ENTREP2: variants seen among roughly 807,000 people sequenced by gnomAD.
The protein encoded by ENTREP2 is protein ENTREP2.
the ENTREP2 span, among the ~76,000 whole-genome samples, chr15:29,435,506 C>CT: frequency 6.6e-6 from 1 of 151,938 alleles, no homozygotes; most frequent in Non-Finnish European, 1.5e-5. Flanking sequence ...TGTTAATATC[C>CT]TTTTTAGGGG....
At chr15:29,333,849 G>A in the ENTREP2 span, among the ~76,000 whole-genome samples, 55 of 152,122 alleles carry the variant, frequency 3.6e-4, no homozygotes, top group Admixed American at 2.7e-3. Flanking sequence ...GGTCCAATCT[G>A]ACTGTGTCCT....
chr15:29,465,258 G>A, the ENTREP2 span, among the ~76,000 whole-genome samples: 1 of 152,076 alleles, frequency 6.6e-6, no homozygotes, highest in East Asian at 1.9e-4. Context: ...GGAATGGGGT[G>A]CAGAAGTGGT....
chr15:29,321,768 T>TG, the ENTREP2 span, among the ~76,000 whole-genome samples: 1 of 151,854 alleles, frequency 6.6e-6, no homozygotes, highest in Non-Finnish European at 1.5e-5. Context: ...AGTAGTTCTT[T>TG]GCAATGAGAA....
the ENTREP2 span, among the ~76,000 whole-genome samples, chr15:29,362,670 C>T: frequency 2.8e-4 from 42 of 152,142 alleles, no homozygotes; most frequent in African/African-American, 9.2e-4. Context: ...CCACCGCGTC[C>T]GGCCCCTTGT....
the ENTREP2 span, among the ~76,000 whole-genome samples, chr15:29,577,313 G>C: frequency 2.6e-3 from 358 of 139,910 alleles, 2 homozygotes; most frequent in African/African-American, 9.0e-3. Flanking sequence ...GACTCAAAGA[G>C]GTGTGTGTGT....
the ENTREP2 span, among the ~76,000 whole-genome samples, chr15:29,659,793 T>C: frequency 6.8e-6 from 1 of 147,038 alleles, no homozygotes; most frequent in African/African-American, 2.7e-5. Flanking sequence ...TGCACGAATA[T>C]GCCACTATAT....
chr15:29,659,849 T>G, the ENTREP2 span, among the ~76,000 whole-genome samples: 1 of 151,704 alleles, frequency 6.6e-6, no homozygotes, highest in Non-Finnish European at 1.5e-5. Flanking sequence ...CAGGCTGGAG[T>G]GCAGTGGTGC....
the ENTREP2 span, among the ~76,000 whole-genome samples, chr15:29,163,064 A>G: frequency 2.0e-5 from 3 of 152,140 alleles, no homozygotes; most frequent in Non-Finnish European, 4.4e-5. Flanking sequence ...AGAGACAACA[A>G]TCACTGCAGT....
chr15:29,282,563 C>A, the ENTREP2 span, among the ~76,000 whole-genome samples: 1 of 152,112 alleles, frequency 6.6e-6, no homozygotes, highest in Admixed American at 6.5e-5. Context: ...ACCACAAGCT[C>A]CCTAGCACTC....
the ENTREP2 span, among the ~76,000 whole-genome samples, chr15:29,408,134 T>C: frequency 0.012 from 1,848 of 152,286 alleles, 35 homozygotes; most frequent in African/African-American, 0.042. Flanking sequence ...CGATCTAATA[T>C]GTGCTGATCT....
the ENTREP2 span, among the ~76,000 whole-genome samples, chr15:29,158,036 G>C: frequency 1.2e-4 from 19 of 152,200 alleles, no homozygotes; most frequent in Admixed American, 1.2e-3. Flanking sequence ...ATCTCTTAAT[G>C]TACCATTGCT....
At chr15:29,672,774 G>A in the ENTREP2 span, among the ~76,000 whole-genome samples, 1,703 of 152,146 alleles carry the variant, frequency 0.011, 33 homozygotes, top group African/African-American at 0.04. Flanking sequence ...GGTTGGGGGG[G>A]TTGGAAAATG....
the ENTREP2 span, among the ~76,000 whole-genome samples, chr15:29,181,644 T>C: frequency 6.6e-6 from 1 of 152,166 alleles, no homozygotes; most frequent in Non-Finnish European, 1.5e-5. Context: ...TAGTTTCATG[T>C]ATATTCACTA....
the ENTREP2 span, among the ~76,000 whole-genome samples, chr15:29,188,094 G>T: frequency 6.6e-6 from 1 of 152,126 alleles, no homozygotes; most frequent in East Asian, 1.9e-4. Flanking sequence ...ACTCACCATG[G>T]GGCTGTGTGA....
the ENTREP2 span, among the ~76,000 whole-genome samples, chr15:29,592,711 G>A: frequency 6.6e-6 from 1 of 152,160 alleles, no homozygotes; most frequent in Non-Finnish European, 1.5e-5. Context: ...GGTTCTCACG[G>A]GAGGTGTTTG....
chr15:29,368,341 T>C, the ENTREP2 span, among the ~76,000 whole-genome samples: 1 of 135,004 alleles, frequency 7.4e-6, no homozygotes, highest in Non-Finnish European at 1.7e-5. Context: ...AAAAAAAATA[T>C]ATATATATAT....
chr15:29,579,432 A>G, the ENTREP2 span, among the ~76,000 whole-genome samples: 1 of 152,010 alleles, frequency 6.6e-6, no homozygotes, highest in Non-Finnish European at 1.5e-5. Context: ...AACCTGGACC[A>G]TTCAGCAAAA....
chr15:29,136,249 T>G, the ENTREP2 span: 9 of 1,156,680 alleles, frequency 7.8e-6, no homozygotes, highest in African/African-American at 1.3e-4. Context: ...CTCATGAGTG[T>G]TCACCTCACA....
the ENTREP2 span, among the ~76,000 whole-genome samples, chr15:29,186,045 G>C: frequency 6.6e-6 from 1 of 152,094 alleles, no homozygotes; most frequent in African/African-American, 2.4e-5. Flanking sequence ...CTGGTGTTTG[G>C]CCCCCGAATG....
Sources: allele counts gnomAD v4.1 joint callset (sites outside exome capture counted in the v4.1 genomes callset), GRCh38; gene constraint gnomAD v4.1.1; transcripts MANE v1.5; gene names NCBI Gene and HGNC (gene_info 2026-07-23, HGNC 2026-07-21).